ABCG1: variants seen among roughly 807,000 people sequenced by gnomAD.
The protein encoded by ABCG1 is ATP binding cassette subfamily G member 1, also known as ATP-binding cassette sub-family G member 1.
In ABCG1, 29 loss-of-function variants were observed where a neutral mutation model predicts 69.2. The observed-to-expected ratio is 0.42, with a 90% CI of 0.31 to 0.57. The LOEUF is 0.57. Ranked by LOEUF, ABCG1 falls within the 20% of genes least tolerant of loss-of-function variation. The pLI is 0.15. For missense variants in ABCG1, 718 were observed against 898.1 expected (o/e 0.80, Z 2.56); for synonymous variants, 370 against 374.8 (o/e 0.99, Z 0.15).
Position 42,287,940 on chromosome 21 carries a change from G to T in ABCG1, c.1025G>T (p.Arg342Ile). 4 of 1,613,124 alleles carry T rather than the reference G, an allele frequency of 2.5e-6. No individual in the cohort carries two copies. Among genetic ancestry groups the T allele is most frequent in the African/African-American group, 1.3e-5 (1 of 75,018 alleles). ...EYGDQNSRLV[R>I]AVREGMCDSD... ...GGTGATCAGAACAGTCGGCTGGTGAGAGCGGTTCGGGAGGGCATGTGTGAC... is the reference window on the plus strand; with the variant it reads ...GGTGATCAGAACAGTCGGCTGGTGATAGCGGTTCGGGAGGGCATGTGTGAC... Residue 342 changes from arginine to isoleucine, a missense_variant, in exon 9 of 15, where the codon AGA (arginine) becomes ATA (isoleucine). This residue lies in a region of ABCG1 where 514 missense variants were observed against 574.3 expected (regional missense o/e 0.90). Coordinates refer to ENST00000398449, the MANE Select transcript of ABCG1 (RefSeq NM_016818.3). The surrounding 1 kb of genome is among the most constrained non-coding windows in gnomAD (Gnocchi z 6.2).
In ABCG1 at chr21:42,291,353, C is replaced by A; in HGVS notation, c.1495-145C>A. The A allele has an allele frequency of 2.4e-6, 3 of 1,232,898 alleles. No homozygotes were observed. Among genetic ancestry groups the A allele is most frequent in the Non-Finnish European group, 3.4e-6 (3 of 879,104 alleles). 76.4% of individuals were successfully genotyped at this position (1,232,898 alleles called of 1,614,324 possible). A position where few individuals can be genotyped will look rare whatever the true frequency, so the allele number is the denominator to read the frequency against. ...AAGGGCCTGACTTCGGGAGCTGTGG[C>A]GGGAGCTGTGGGGAGTGGGGAAGGA... On this transcript the variant is annotated intron_variant, in intron 12 of 14. Coordinates refer to ENST00000398449, the MANE Select transcript of ABCG1 (RefSeq NM_016818.3). The surrounding 1 kb of genome is among the most constrained non-coding windows in gnomAD (Gnocchi z 6.4).
rs2229411 is a variant in ABCG1 at position 42,271,122 on chromosome 21, G to T, written c.339G>T (p.Leu113Phe). 6 of 1,584,094 alleles carry T rather than the reference G, an allele frequency of 3.8e-6. No individual in the cohort carries two copies. Among genetic ancestry groups the T allele is most frequent in the Non-Finnish European group, 4.3e-6 (5 of 1,167,742 alleles). ...GISGKFNSGE[L>F]VAIMGPSGAG... is the part of the protein sequence containing the mutation. ...CCGGGAAGTTCAATAGTGGTGAGTTGGTGGCCATTATGGGTCCTTCCGGGG... is the reference window on the plus strand; with the variant it reads ...CCGGGAAGTTCAATAGTGGTGAGTTTGTGGCCATTATGGGTCCTTCCGGGG... Residue 113 changes from leucine (L) to phenylalanine (F), a missense_variant, in exon 3 of 15, where the codon TTG becomes TTT. Physicochemically the swap from Leu to Phe is conservative, Grantham distance 22. Transcript: ENST00000398449.
In ABCG1 at chr21:42,259,281, G is replaced by T. The variant is rs1324397453; in HGVS notation, c.287-11789G>T. ...AGCCTGGAGACCAGATCTGTGCTCT[G>T]CCTGAGTTTGTAAGTGAAGTTTTGT... On this transcript the variant is annotated intron_variant, in intron 2 of 14. Coordinates refer to ENST00000398449, the MANE Select transcript of ABCG1 (RefSeq NM_016818.3). The T allele has an allele frequency of 2.0e-6, 3 of 1,520,858 alleles. No individual in the cohort carries two copies. The Admixed American group carries it at 6.1e-5, about 31-fold the overall frequency. The allele number at this position is 1,520,858 out of a possible 1,614,324, so 94.2% of individuals were successfully genotyped here. A position where few individuals can be genotyped will look rare whatever the true frequency, so the allele number is the denominator to read the frequency against.
chr21:42,272,612 C>T (rs1486574415), intron 3 of ABCG1, among the ~76,000 whole-genome samples: 1 of 152,142 alleles, frequency 6.6e-6, no homozygotes, highest in African/African-American at 2.4e-5. Context: ...TGGCATGCAC[C>T]AGCTCCCGGG....
chr21:42,279,206 G>A (rs532850208), intron 5 of ABCG1, among the ~76,000 whole-genome samples: 3 of 152,216 alleles, frequency 2.0e-5, no homozygotes, highest in South Asian at 2.1e-4. Context: ...AAGGAGAGAC[G>A]GTGGAAGTGG....
At chr21:42,241,288 AG>A (rs2068047479) in intron 2 of ABCG1, among the ~76,000 whole-genome samples, 1 of 152,224 alleles carries the variant, frequency 6.6e-6, no homozygotes, top group Non-Finnish European at 1.5e-5. Flanking sequence ...CATCATAAAC[AG>A]AAACGGGGAA....
chr21:42,274,162 C>T (rs77804490), intron 4 of ABCG1, among the ~76,000 whole-genome samples: 1,530 of 152,242 alleles, frequency 0.01, 34 homozygotes, highest in African/African-American at 0.034. Context: ...TCTGCAAGAC[C>T]GTATGGGGTT....
chr21:42,203,347 G>A (rs767516671), intron 2 of ABCG1, among the ~76,000 whole-genome samples: 30 of 151,914 alleles, frequency 2.0e-4, no homozygotes, highest in Non-Finnish European at 3.7e-4. Flanking sequence ...TCATTTTATG[G>A]GTCATGCTTT....
intron 5 of ABCG1, among the ~76,000 whole-genome samples, chr21:42,281,224 G>A (rs2068802236): frequency 6.6e-6 from 1 of 152,220 alleles, no homozygotes; most frequent in Non-Finnish European, 1.5e-5. Context: ...AGGAGCCGCT[G>A]GAGTAGGGTC....
At chr21:42,268,728 G>A (rs1402602630) in intron 2 of ABCG1, among the ~76,000 whole-genome samples, 3 of 152,166 alleles carry the variant, frequency 2.0e-5, no homozygotes, top group East Asian at 3.8e-4. Context: ...CCAGTTGTGT[G>A]CACTCTCTGT....
At chr21:42,217,848 C>A (rs1454675857), upstream of ABCG1, among the ~76,000 whole-genome samples, 2 of 151,904 alleles carry the variant, frequency 1.3e-5, no homozygotes, top group African/African-American at 4.8e-5. Context: ...CCCGCCACCA[C>A]ACCTAGCTAA....
rs369837936 is a variant in ABCG1, at chr21:42,291,195, G to A, written c.1494+3G>A. 9.5e-5 allele frequency: 153 copies of A among 1,610,376 alleles called. No individual in the cohort carries two copies. The highest frequency in any genetic ancestry group is 1.2e-4 in the Non-Finnish European group (146 of 1,177,328). ...CCATGGCAGACGTGCCCTTTCAGGT[G>A]TGTTAGCCAGGGGCTGGAATTTGAA... On this transcript the variant is annotated splice_donor_region_variant and intron_variant, in intron 12 of 14. Transcript: ENST00000398449. This position sits in a 1 kb window ranked among gnomAD's most constrained non-coding sequence, Gnocchi z 6.4.
intron 3 of ABCG1, among the ~76,000 whole-genome samples, chr21:42,272,273 G>A (rs1601423761): frequency 6.6e-6 from 1 of 152,160 alleles, no homozygotes; most frequent in Non-Finnish European, 1.5e-5. Context: ...GAGTATTCTT[G>A]CAGGGGTGGC....
intron 2 of ABCG1, among the ~76,000 whole-genome samples, chr21:42,210,560 T>G (rs932128268): frequency 1.3e-5 from 2 of 152,234 alleles, no homozygotes; most frequent in African/African-American, 2.4e-5. Context: ...CCACTCTTGA[T>G]TCCATGCTAA....
intron 6 of ABCG1, among the ~76,000 whole-genome samples, chr21:42,283,307 A>G (rs185517871): frequency 1.3e-5 from 2 of 152,354 alleles, no homozygotes; most frequent in East Asian, 1.9e-4. Flanking sequence ...AGAGACCACA[A>G]TGAACCCTTG....
chr21:42,256,411 C>A, intron 2 of ABCG1: 2 of 1,549,734 alleles, frequency 1.3e-6, no homozygotes, highest in South Asian at 2.4e-5. Flanking sequence ...GGTGTCTGGT[C>A]CCTACTCACA....
chr21:42,199,698 A>G (rs2067492348), exon 1 of ABCG1: 1 of 152,240 alleles, frequency 6.6e-6, no homozygotes, highest in South Asian at 2.1e-4. Context: ...CAGACACTGA[A>G]TCATCATTTG....
At chr21:42,266,359 C>T (rs1181652206) in intron 2 of ABCG1, among the ~76,000 whole-genome samples, 17 of 151,954 alleles carry the variant, frequency 1.1e-4, no homozygotes, top group Admixed American at 1.1e-3. Flanking sequence ...TGAAATTCAG[C>T]CAAGGTGAGT....
Position 42,240,303 on chromosome 21 carries a change from A to G in ABCG1, c.286+14389A>G, listed in dbSNP as rs376587242. On this transcript the variant is annotated intron_variant, in intron 2 of 14. Transcript: ENST00000398449. ...TGCCAACAGGTGGACCCCAGGACCAAGCCTAGCCCAGTTGACCCCTGGCTC... is the reference window on the plus strand; with the variant it reads ...TGCCAACAGGTGGACCCCAGGACCAGGCCTAGCCCAGTTGACCCCTGGCTC... Among the ~76,000 whole-genome samples, 13 of 152,348 alleles carry G rather than the reference A, an allele frequency of 8.5e-5. No homozygotes were observed. The East Asian group carries it at 2.3e-3, about 27-fold the overall frequency.
Sources: allele counts gnomAD v4.1 joint callset (sites outside exome capture counted in the v4.1 genomes callset), GRCh38; gene constraint gnomAD v4.1.1; regional missense constraint gnomAD v4.1.1; non-coding constraint Gnocchi (gnomAD v3.1); transcripts MANE v1.5; gene names NCBI Gene and HGNC (gene_info 2026-07-23, HGNC 2026-07-21).